The following ANKRD36 variants were observed in gnomAD, a reference collection of about 807,000 sequenced individuals.
The protein encoded by ANKRD36 is ankyrin repeat domain 36.
Under a neutral mutation model 278.1 loss-of-function variants are expected in ANKRD36, and 179 were observed. The ratio of observed to expected loss-of-function variants is 0.64; its 90% CI spans 0.57 to 0.73. ANKRD36 has a LOEUF of 0.73. Ranked by LOEUF, ANKRD36 falls within the 30% of genes least tolerant of loss-of-function variation. The probability of loss-of-function intolerance (pLI) is 0.00; values close to 1 mark genes in which losing one functional copy is unlikely to be tolerated. For synonymous variants in ANKRD36, 320 were observed against 641.1 expected, an observed-to-expected ratio of 0.50 and a Z score of 7.57; for missense variants, 1,159 against 1,956.7, an observed-to-expected ratio of 0.59 and a Z score of 7.69.
Position 97,222,143 on chromosome 2 carries a change from T to C in ANKRD36, c.3878-2663T>C, listed in dbSNP as rs538855156. On this transcript the variant is annotated intron_variant, in intron 66 of 75. Transcript: ENST00000420699. ...GTTCTGTTCCATTGATCTATATTTC[T>C]GTTTTGGTACCAGTACCAGGCTGTT... Among the ~76,000 whole-genome samples, 89 of 152,158 alleles carry C rather than the reference T, an allele frequency of 5.8e-4. 3 individuals are homozygous for C. The South Asian group carries it at 0.018, about 31-fold the overall frequency.
intron 17 of ANKRD36, among the ~76,000 whole-genome samples, chr2:97,160,013 G>C (rs867779319): frequency 2.2e-5 from 3 of 135,432 alleles, no homozygotes; most frequent in South Asian, 2.3e-4. Flanking sequence ...TCGATCTCCT[G>C]ACCTCGTGAT....
intron 24 of ANKRD36, among the ~76,000 whole-genome samples, chr2:97,180,958 G>A (rs1004513474): frequency 1.6e-4 from 24 of 151,612 alleles, no homozygotes; most frequent in Non-Finnish European, 2.5e-4. Context: ...GTTGCCATGA[G>A]CGGATGAAGA....
At chr2:97,132,119 C>A (rs2040344617) in intron 6 of ANKRD36, among the ~76,000 whole-genome samples, 1 of 151,012 alleles carries the variant, frequency 6.6e-6, no homozygotes, top group South Asian at 2.1e-4. Context: ...GAGCCACCGC[C>A]CCCAGCCTAC....
rs772447423 is a variant in ANKRD36 at position 97,191,024 on chromosome 2, T to G, written c.2274+18T>G. On this transcript the variant is annotated intron_variant, in intron 35 of 75. Transcript: ENST00000420699. ...CCTTGAAGGTAATTAAACTCTCATT[T>G]ATATTGTGAACTAGTAAATCTATAG... 1 of 1,604,948 alleles carries G rather than the reference T, an allele frequency of 6.2e-7. No individual in the cohort carries two copies. Among genetic ancestry groups the G allele is most frequent in the Non-Finnish European group, 8.5e-7 (1 of 1,175,856 alleles).
intron 17 of ANKRD36, among the ~76,000 whole-genome samples, chr2:97,161,047 G>C (rs1413384776): frequency 6.6e-6 from 1 of 152,212 alleles, no homozygotes; most frequent in Admixed American, 6.5e-5. Flanking sequence ...GTTCTTCATA[G>C]GTTTAAATTA....
At chr2:97,123,050 G>A in intron 4 of ANKRD36, 57 bp downstream of exon 4, 1 of 1,378,358 alleles carries the variant, frequency 7.3e-7, no homozygotes, top group Non-Finnish European at 9.7e-7. Flanking sequence ...TTTTAGTGTG[G>A]TAGCAGTCCC....
chr2:97,191,416 A>G (rs2058487610), intron 36 of ANKRD36, among the ~76,000 whole-genome samples: 1 of 151,868 alleles, frequency 6.6e-6, no homozygotes, highest in Middle Eastern at 3.4e-3. Context: ...AAATATGGAG[A>G]GCAGTTGAAG....
rs1341553353 is a variant in ANKRD36 at position 97,152,662 on chromosome 2, C to T, written c.1193+128C>T. On this transcript the variant is annotated intron_variant, in intron 14 of 75. Transcript: ENST00000420699. ...TACATGCTTAACATTTATCATGTCA[C>T]ACAACTTTAGAAACTATTTGTGCTG... The T allele has an allele frequency of 1.0e-4, 83 of 824,196 alleles. No individual in the cohort carries two copies. The Middle Eastern group carries it at 1.1e-3, about 11-fold the overall frequency. The allele number at this position is 824,196 out of a possible 1,614,324, so 51.1% of individuals were successfully genotyped here. A position where few individuals can be genotyped will look rare whatever the true frequency, so the allele number is the denominator to read the frequency against.
At chr2:97,206,176 T>A in intron 52 of ANKRD36, 41 bp downstream of exon 52, 1 of 1,493,830 alleles carries the variant, frequency 6.7e-7, no homozygotes, top group Non-Finnish European at 8.9e-7. Flanking sequence ...TCAGTCGAGA[T>A]AGATAAGAAG....
chr2:97,218,932 A>G (rs2153644799), intron 64 of ANKRD36, 118 bp from the exon 65 acceptor site: 1 of 1,437,160 alleles, frequency 7.0e-7, no homozygotes, highest in East Asian at 2.6e-5. Context: ...CTAGAAAAAT[A>G]TGAAACCCTA....
chr2:97,212,284 A>G (rs1205678941), intron 58 of ANKRD36, among the ~76,000 whole-genome samples: 1 of 151,896 alleles, frequency 6.6e-6, no homozygotes, highest in Non-Finnish European at 1.5e-5. Flanking sequence ...AACTCACTTC[A>G]ATACATTTGG....
At chr2:97,163,033 T>G (rs528382455) in intron 18 of ANKRD36, among the ~76,000 whole-genome samples, 37 of 151,990 alleles carry the variant, frequency 2.4e-4, no homozygotes, top group Non-Finnish European at 4.4e-4. Flanking sequence ...TTTGGGAGGC[T>G]GAGGCGGGAG....
chr2:97,198,702 A>G, intron 44 of ANKRD36, 44 bp downstream of exon 44: 1 of 1,509,112 alleles, frequency 6.6e-7, no homozygotes, highest in Non-Finnish European at 8.9e-7. Flanking sequence ...GTGCAGATAG[A>G]TAAGAAGTTC....
At chr2:97,219,704 C>A (rs1276071070) in intron 66 of ANKRD36, among the ~76,000 whole-genome samples, 2 of 137,466 alleles carry the variant, frequency 1.5e-5, no homozygotes, top group Non-Finnish European at 3.0e-5. Context: ...TGGTCTTGAG[C>A]TCTCGACCTC....
intron 48 of ANKRD36, among the ~76,000 whole-genome samples, chr2:97,202,859 C>T (rs566038750): frequency 1.2e-4 from 18 of 151,864 alleles, no homozygotes; most frequent in African/African-American, 3.6e-4. Context: ...GATTGTGAGG[C>T]AGGAAGGGGT....
At chr2:97,161,785 A>T (rs1325654786) in intron 17 of ANKRD36, among the ~76,000 whole-genome samples, 1 of 152,248 alleles carries the variant, frequency 6.6e-6, no homozygotes, top group East Asian at 1.9e-4. Flanking sequence ...TCACTTGTCT[A>T]TTTTAAAAAT....
At chr2:97,221,822 CT>C (rs1411198614) in intron 66 of ANKRD36, among the ~76,000 whole-genome samples, 1 of 146,874 alleles carries the variant, frequency 6.8e-6, no homozygotes, top group Non-Finnish European at 1.5e-5. Flanking sequence ...GTTGCCATTG[CT>C]TTTGGTGTTT....
At chr2:97,134,979 A>G (rs188322394) in intron 6 of ANKRD36, among the ~76,000 whole-genome samples, 107 of 152,218 alleles carry the variant, frequency 7.0e-4, no homozygotes, top group Non-Finnish European at 1.2e-4. Flanking sequence ...ATGAATAGCT[A>G]GAACTAAGCA....
chr2:97,231,420 G>T (rs917439360), intron 67 of ANKRD36, among the ~76,000 whole-genome samples: 2 of 152,166 alleles, frequency 1.3e-5, no homozygotes, highest in Admixed American at 1.3e-4. Context: ...GACTCCATGG[G>T]CGCAGGACCC....
Sources: gnomAD v4.1 joint callset for allele counts (sites outside exome capture counted in the v4.1 genomes callset) on GRCh38, gnomAD v4.1.1 for gene constraint, MANE v1.5 for transcripts, NCBI Gene and HGNC (gene_info 2026-07-23, HGNC 2026-07-21) for gene names.